Variants in WDR70 observed in about 807,000 individuals in gnomAD.
The protein encoded by WDR70 is WD repeat-containing protein 70.
A neutral mutation model predicts 88.6 loss-of-function variants in WDR70; 53 were observed. The ratio of observed to expected loss-of-function variants is 0.60; its 90% CI spans 0.48 to 0.75. WDR70 has a LOEUF of 0.75. WDR70 is among the 30% of genes least tolerant of loss of function. The pLI, the probability that WDR70 is intolerant of heterozygous loss-of-function variation, is 0.00. For missense variants in WDR70, 610 were observed against 823.2 expected (o/e 0.74, Z 3.17); for synonymous variants, 280 against 270.0 (o/e 1.04, Z -0.36).
At chr5:37,422,727 C>T (rs1275729726) in intron 5 of WDR70, among the ~76,000 whole-genome samples, 1 of 152,090 alleles carries the variant, frequency 6.6e-6, no homozygotes, top group Non-Finnish European at 1.5e-5. Context: ...ATCCGCCTGC[C>T]TCCTCAGCCT....
chr5:37,730,157 A>G (rs1485872564), intron 17 of WDR70, among the ~76,000 whole-genome samples: 1 of 152,148 alleles, frequency 6.6e-6, no homozygotes, highest in Non-Finnish European at 1.5e-5. Context: ...ACTAACCACA[A>G]CCAACTTTTA....
chr5:37,470,361 T>C (rs1739290496), intron 7 of WDR70, among the ~76,000 whole-genome samples: 1 of 152,058 alleles, frequency 6.6e-6, no homozygotes, highest in South Asian at 2.1e-4. Context: ...TAAATTAAAA[T>C]ATAATATTTA....
At chr5:37,631,077 G>A (rs1274270358) in intron 10 of WDR70, among the ~76,000 whole-genome samples, 3 of 152,226 alleles carry the variant, frequency 2.0e-5, no homozygotes, top group South Asian at 2.1e-4. Context: ...GATCCAGGTC[G>A]GGGAGATGGG....
chr5:37,461,152 A>G (rs917999212), intron 7 of WDR70, among the ~76,000 whole-genome samples: 3 of 151,820 alleles, frequency 2.0e-5, no homozygotes, highest in African/African-American at 7.3e-5. Context: ...AAACCCCAGA[A>G]TAATGAAGAA....
At chr5:37,689,377 C>T (rs1746711975) in intron 10 of WDR70, among the ~76,000 whole-genome samples, 1 of 152,218 alleles carries the variant, frequency 6.6e-6, no homozygotes, top group South Asian at 2.1e-4. Context: ...GGACAGACTG[C>T]CTCCTCAAGT....
intron 8 of WDR70, among the ~76,000 whole-genome samples, chr5:37,497,938 C>T (rs1471267978): frequency 2.0e-5 from 3 of 152,136 alleles, no homozygotes; most frequent in Non-Finnish European, 2.9e-5. Context: ...TCTCATGCTT[C>T]GGCCTCCCGA....
chr5:37,386,422 G>A (rs1284536307), intron 3 of WDR70, among the ~76,000 whole-genome samples: 2 of 152,040 alleles, frequency 1.3e-5, no homozygotes, highest in African/African-American at 4.8e-5. Context: ...CTGCCTCCTG[G>A]TTCAAGCAAT....
At chr5:37,606,884 CCCCCTCCCCTCCCCTCCCCTCCCCT>C (rs1226783640) in intron 10 of WDR70, among the ~76,000 whole-genome samples, 2 of 59,996 alleles carry the variant, frequency 3.3e-5, no homozygotes, top group African/African-American at 2.0e-4. Context: ...TTCCTTGCTC[CCCCCTCCCCTCCCCTCCCCTCCCCT>C]CCCCTCCCCT....
At chr5:37,598,684 T>C (rs1581424421) in intron 9 of WDR70, among the ~76,000 whole-genome samples, 2 of 152,238 alleles carry the variant, frequency 1.3e-5, no homozygotes, top group East Asian at 3.8e-4. Flanking sequence ...TCTGAGTCTA[T>C]GCCTAAAAAA....
At chr5:37,644,743 A>G (rs1745189067) in intron 10 of WDR70, among the ~76,000 whole-genome samples, 1 of 151,782 alleles carries the variant, frequency 6.6e-6, no homozygotes, top group African/African-American at 2.4e-5. Context: ...TTTCTTCTAG[A>G]TTTTCCAATT....
chr5:37,455,332 C>T (rs1265395510), intron 7 of WDR70, among the ~76,000 whole-genome samples: 1 of 150,956 alleles, frequency 6.6e-6, no homozygotes, highest in Non-Finnish European at 1.5e-5. Context: ...GCAACCTCTG[C>T]CTCCCAGGTT....
intron 10 of WDR70, among the ~76,000 whole-genome samples, chr5:37,622,303 A>T (rs562173536): frequency 6.6e-6 from 1 of 151,968 alleles, no homozygotes; most frequent in Admixed American, 6.6e-5. Flanking sequence ...GGGACTGTAA[A>T]CTAGTTCAAC....
At chr5:37,517,953 C>T (rs1052973847) in intron 9 of WDR70, among the ~76,000 whole-genome samples, 38 of 148,944 alleles carry the variant, frequency 2.6e-4, no homozygotes, top group Non-Finnish European at 4.4e-4. Flanking sequence ...CCACTCTTGT[C>T]ACCCTGGCTG....
chr5:37,631,229 G>C (rs935103711), intron 10 of WDR70, among the ~76,000 whole-genome samples: 1 of 152,082 alleles, frequency 6.6e-6, no homozygotes, highest in Non-Finnish European at 1.5e-5. Flanking sequence ...TTTTTAGTCT[G>C]GGGGGACAAA....
intron 10 of WDR70, among the ~76,000 whole-genome samples, chr5:37,690,605 A>G (rs918139427): frequency 6.6e-6 from 1 of 152,212 alleles, no homozygotes; most frequent in Non-Finnish European, 1.5e-5. Context: ...TATCCAGCCA[A>G]ACTAAGCTTC....
chr5:37,644,248 G>T (rs953553761), intron 10 of WDR70, among the ~76,000 whole-genome samples: 1 of 151,766 alleles, frequency 6.6e-6, no homozygotes, highest in East Asian at 1.9e-4. Context: ...ATGATCATAT[G>T]TTTTTTTGTC....
intron 9 of WDR70, among the ~76,000 whole-genome samples, chr5:37,584,552 A>T (rs1011579222): frequency 6.6e-6 from 1 of 152,210 alleles, no homozygotes; most frequent in Non-Finnish European, 1.5e-5. Flanking sequence ...TCTTTGGCAT[A>T]TAAAATTTTA....
chr5:37,470,034 CAG>C (rs1235685251), intron 7 of WDR70, among the ~76,000 whole-genome samples: 1 of 151,920 alleles, frequency 6.6e-6, no homozygotes, highest in East Asian at 1.9e-4. Flanking sequence ...AAAATTGCCT[CAG>C]ATTAATTTAT....
At chr5:37,499,421 G>A (rs1740328410) in intron 8 of WDR70, among the ~76,000 whole-genome samples, 1 of 151,334 alleles carries the variant, frequency 6.6e-6, no homozygotes, top group African/African-American at 2.4e-5. Flanking sequence ...GCCTGTGTTT[G>A]TCTTTCTCAT....
Sources: allele counts gnomAD v4.1 joint callset (sites outside exome capture counted in the v4.1 genomes callset), GRCh38; gene constraint gnomAD v4.1.1; transcripts MANE v1.5; gene names NCBI Gene and HGNC (gene_info 2026-07-23, HGNC 2026-07-21).